The following KCNAB1 variants were observed in gnomAD, a reference collection of about 807,000 sequenced individuals.
KCNAB1 encodes voltage-gated potassium channel subunit beta-1.
Under a neutral mutation model 64.6 loss-of-function variants are expected in KCNAB1, and 35 were observed. The ratio of observed to expected loss-of-function variants is 0.54; its 90% CI spans 0.41 to 0.72. The LOEUF (loss-of-function observed/expected upper bound fraction) is 0.72. KCNAB1 is among the 30% of genes least tolerant of loss of function. The pLI, the probability that KCNAB1 is intolerant of heterozygous loss-of-function variation, is 0.00. For missense variants in KCNAB1, 401 were observed against 512.9 expected, an observed-to-expected ratio of 0.78 and a Z score of 2.11; for synonymous variants, 177 against 183.8, an observed-to-expected ratio of 0.96 and a Z score of 0.30.
At chr3:156,353,341 A>G (rs1014989878) in intron 1 of KCNAB1, among the ~76,000 whole-genome samples, 1 of 152,154 alleles carries the variant, frequency 6.6e-6, no homozygotes, top group Non-Finnish European at 1.5e-5. Flanking sequence ...GTGTACAGGC[A>G]GTGGGCTAGG....
intron 1 of KCNAB1, among the ~76,000 whole-genome samples, chr3:156,130,088 G>A (rs1265118058): frequency 6.6e-6 from 1 of 152,070 alleles, no homozygotes; most frequent in Non-Finnish European, 1.5e-5. Flanking sequence ...CCTTGATTTT[G>A]TCATCTATAT....
chr3:156,238,631 G>C (rs920553993), intron 1 of KCNAB1, among the ~76,000 whole-genome samples: 3 of 151,984 alleles, frequency 2.0e-5, no homozygotes, highest in African/African-American at 7.3e-5. Context: ...TAGTTAGTTT[G>C]CCTTTTTCAG....
At chr3:156,526,983 T>C (rs2108416312) in intron 12 of KCNAB1, among the ~76,000 whole-genome samples, 1 of 152,170 alleles carries the variant, frequency 6.6e-6, no homozygotes, top group Non-Finnish European at 1.5e-5. Context: ...TAATAGAATA[T>C]TTGTTGGTAG....
intron 1 of KCNAB1, among the ~76,000 whole-genome samples, chr3:156,354,637 T>C (rs1463179476): frequency 6.6e-6 from 1 of 151,462 alleles, no homozygotes; most frequent in East Asian, 1.9e-4. Flanking sequence ...TTTCCTACTT[T>C]GCTAAAAGGT....
chr3:156,200,007 G>A (rs534638694), intron 1 of KCNAB1, among the ~76,000 whole-genome samples: 38 of 152,274 alleles, frequency 2.5e-4, no homozygotes, highest in African/African-American at 9.1e-4. Flanking sequence ...GGGTTTTTGA[G>A]TGGGCATCAT....
chr3:156,164,597 T>A (rs1157374406), intron 1 of KCNAB1, among the ~76,000 whole-genome samples: 1 of 152,168 alleles, frequency 6.6e-6, no homozygotes, highest in Non-Finnish European at 1.5e-5. Context: ...AAAAGATCCG[T>A]GAAGGAATTA....
At chr3:156,536,536 AG>A in intron 13 of KCNAB1, 121 bp from the exon 14 acceptor site, 2 of 723,316 alleles carry the variant, frequency 2.8e-6, no homozygotes, top group Admixed American at 3.9e-5. Context: ...CGGGGGGCTT[AG>A]ATTTCAGCTG....
intron 1 of KCNAB1, among the ~76,000 whole-genome samples, chr3:156,174,197 C>T (rs1712199306): frequency 6.6e-6 from 1 of 152,208 alleles, no homozygotes; most frequent in African/African-American, 2.4e-5. Context: ...AGATATTGCT[C>T]AAGGCTAGCC....
chr3:156,443,521 G>A (rs548793762), intron 2 of KCNAB1, among the ~76,000 whole-genome samples: 18 of 152,240 alleles, frequency 1.2e-4, no homozygotes, highest in Non-Finnish European at 2.2e-4. Flanking sequence ...TTCCTCAGGT[G>A]AGGAAAATAG....
intron 1 of KCNAB1, among the ~76,000 whole-genome samples, chr3:156,293,177 T>A (rs1484471554): frequency 6.6e-6 from 1 of 152,234 alleles, no homozygotes; most frequent in Non-Finnish European, 1.5e-5. Context: ...GACTCCTGCC[T>A]CCTCATTACA....
chr3:156,512,175 G>A (rs113075859), intron 8 of KCNAB1, among the ~76,000 whole-genome samples: 52 of 152,228 alleles, frequency 3.4e-4, no homozygotes, highest in African/African-American at 1.2e-3. Context: ...CACTCAACTT[G>A]AAACTCCCTG....
chr3:156,341,981 G>A (rs1372922180), intron 1 of KCNAB1, among the ~76,000 whole-genome samples: 2 of 152,146 alleles, frequency 1.3e-5, no homozygotes, highest in Non-Finnish European at 2.9e-5. Flanking sequence ...TGTCTGGAAA[G>A]GTTTATCCCC....
intron 8 of KCNAB1, among the ~76,000 whole-genome samples, chr3:156,496,603 A>T (rs1716030157): frequency 6.6e-6 from 1 of 152,200 alleles, no homozygotes; most frequent in Admixed American, 6.5e-5. Context: ...TACATATGGT[A>T]TAGAACGTTT....
At chr3:156,478,109 T>C (rs1230333230) in intron 8 of KCNAB1, among the ~76,000 whole-genome samples, 1 of 152,194 alleles carries the variant, frequency 6.6e-6, no homozygotes, top group Non-Finnish European at 1.5e-5. Context: ...ATTCAATTTA[T>C]TTTTCAAATG....
chr3:156,471,735 T>C (rs774742554), intron 7 of KCNAB1, among the ~76,000 whole-genome samples: 6 of 152,262 alleles, frequency 3.9e-5, no homozygotes, highest in Non-Finnish European at 8.8e-5. Flanking sequence ...GACTTGTTTT[T>C]TGAAACTAAA....
At chr3:156,322,526 T>C (rs1236366901) in intron 1 of KCNAB1, among the ~76,000 whole-genome samples, 3 of 152,212 alleles carry the variant, frequency 2.0e-5, no homozygotes, top group Admixed American at 1.3e-4. Context: ...AATCAGAGAC[T>C]ATTTAAAGTA....
At chr3:156,399,833 A>G (rs1003143860) in intron 1 of KCNAB1, among the ~76,000 whole-genome samples, 1 of 152,238 alleles carries the variant, frequency 6.6e-6, no homozygotes, top group Non-Finnish European at 1.5e-5. Flanking sequence ...ATTGTAAAAT[A>G]GCTTGCAATC....
intron 1 of KCNAB1, among the ~76,000 whole-genome samples, chr3:156,315,879 G>A (rs1005109748): frequency 6.6e-6 from 1 of 152,132 alleles, no homozygotes; most frequent in African/African-American, 2.4e-5. Context: ...AATTTGAACT[G>A]TACATTGAAA....
At chr3:156,212,194 T>A (rs1056837279) in intron 1 of KCNAB1, among the ~76,000 whole-genome samples, 1 of 152,140 alleles carries the variant, frequency 6.6e-6, no homozygotes, top group South Asian at 2.1e-4. Context: ...GAACAGAGGC[T>A]GTGTGCAGAC....
Sources: gnomAD v4.1 joint callset for allele counts (sites outside exome capture counted in the v4.1 genomes callset) on GRCh38, gnomAD v4.1.1 for gene constraint, MANE v1.5 for transcripts, NCBI Gene and HGNC (gene_info 2026-07-23, HGNC 2026-07-21) for gene names.